PEAK1: variants seen among roughly 807,000 people sequenced by gnomAD.
PEAK1 encodes the protein inactive tyrosine-protein kinase PEAK1.
In PEAK1, 54 loss-of-function variants were observed where a neutral mutation model predicts 124.7. The ratio of observed to expected loss-of-function variants is 0.43; its 90% CI spans 0.35 to 0.54. The LOEUF is 0.54. Ranked by LOEUF, PEAK1 falls within the 20% of genes least tolerant of loss-of-function variation. The pLI is 0.01. For synonymous variants in PEAK1, 719 were observed against 760.0 expected (o/e 0.95, Z 0.89); for missense variants, 2,046 against 2,134.5 (o/e 0.96, Z 0.82).
chr15:77,150,029 C>T (rs937735504), intron 8 of PEAK1, among the ~76,000 whole-genome samples: 7 of 152,118 alleles, frequency 4.6e-5, no homozygotes, highest in African/African-American at 1.7e-4. Context: ...GGATTACAGG[C>T]ATGAGCCACC....
At chr15:77,269,192 G>T (rs1195928010) in intron 5 of PEAK1, among the ~76,000 whole-genome samples, 2 of 152,012 alleles carry the variant, frequency 1.3e-5, no homozygotes, top group African/African-American at 4.8e-5. Context: ...AAAGTAATGG[G>T]CCGAAATGCT....
chr15:77,278,800 A>C (rs369261846), intron 5 of PEAK1: 1 of 319,930 alleles, frequency 3.1e-6, no homozygotes, highest in Non-Finnish European at 6.1e-6. Context: ...TACTATTTTT[A>C]TCAAGTTTTA....
chr15:77,313,652 A>ATGTGTGTGTGTGTGTGTGTGTG (rs775220459), intron 2 of PEAK1, among the ~76,000 whole-genome samples: 1 of 90,602 alleles, frequency 1.1e-5, no homozygotes, highest in Non-Finnish European at 2.2e-5. Flanking sequence ...GTATGTATGT[A>ATGTGTGTGTGTGTGTGTGTGTG]TGTGTGTGTG....
rs2051168794 is a variant in PEAK1 at position 77,114,414 on chromosome 15, G to A, written c.4983C>T (p.Gly1661=). Residue 1661 remains glycine, a synonymous_variant, in exon 10 of 10, where the codon GGC becomes GGT. Coordinates refer to ENST00000682557, the MANE Select transcript of PEAK1 (RefSeq NM_001385026.1). The part of the protein sequence containing the change: ...SERILISDAK[G]ILQCLLWGPR... ...GGCCCCAGAGCAGACACTGGAGGAT[G>A]CCTTTGGCGTCTGAAATGAGGATCC... 1 of 1,614,088 alleles carries A rather than the reference G, an allele frequency of 6.2e-7. No homozygotes were observed.
At chr15:77,233,701 T>C (rs2059999354) in intron 6 of PEAK1, among the ~76,000 whole-genome samples, 2 of 152,230 alleles carry the variant, frequency 1.3e-5, no homozygotes, top group Non-Finnish European at 2.9e-5. Flanking sequence ...GTATTTTTTG[T>C]ATAACCGTCT....
At chr15:77,327,152 G>A (rs984294877) in intron 2 of PEAK1, among the ~76,000 whole-genome samples, 1 of 152,068 alleles carries the variant, frequency 6.6e-6, no homozygotes, top group African/African-American at 2.4e-5. Flanking sequence ...CTGGATTTTA[G>A]AAATAAGAAA....
Position 77,181,884 on chromosome 15 carries a change from C to T in PEAK1, c.43G>A (p.Gly15Ser). The change falls in exon 7 of 10, where the codon GGT becomes AGT. Residue 15 changes from glycine to serine, a missense_variant. Transcript: ENST00000682557. ...GGTTTAAAGCAATTCTTGCATTCACCAGGTTTCCAAACATGTTCAGTAAAG... is the reference window on the plus strand; with the variant it reads ...GGTTTAAAGCAATTCTTGCATTCACTAGGTTTCCAAACATGTTCAGTAAAG... ...NTFTEHVWKPGECKNCFKPKS... is the reference protein window; with the variant it reads ...NTFTEHVWKPSECKNCFKPKS... 2 of 1,599,990 alleles carry T rather than the reference C, an allele frequency of 1.3e-6. No individual in the cohort carries two copies. Among genetic ancestry groups the T allele is most frequent in the South Asian group, 1.1e-5 (1 of 89,386 alleles).
Position 77,119,048 on chromosome 15 carries a change from CT to C in PEAK1, c.4078-3730del, listed in dbSNP as rs1284935550. 4.9e-5 allele frequency among the ~76,000 whole-genome samples: 4 copies of C among 81,654 alleles called. No homozygotes were observed. In the East Asian group the frequency reaches 9.9e-4, roughly 20 times the overall value. 53.6% of individuals were successfully genotyped at this position (81,654 alleles called of 152,430 possible). ...TGTGCAGCAGGAGAACAAAACCAGG[CT>C]GCTGAAGGTTGAATCTTCTTGTAAA... is the stretch of plus-strand genomic sequence containing the variant. On this transcript the variant is annotated intron_variant, in intron 9 of 9. Transcript: ENST00000682557.
chr15:77,163,343 A>G lies in PEAK1; in HGVS notation c.3138-4647T>C, dbSNP rs533106318. Among the ~76,000 whole-genome samples the G allele has an allele frequency of 1.8e-3, 270 of 152,358 alleles. 2 individuals are homozygous for G. Among genetic ancestry groups the G allele is most frequent in the African/African-American group, 6.0e-3 (249 of 41,588 alleles). On this transcript the variant is annotated intron_variant, in intron 7 of 9. Transcript: ENST00000682557. ...GAATGAATATAAGGTGTTCAAAGGAAATAGTTACATTGTTACAGATTTGTC... is the reference window on the plus strand; with the variant it reads ...GAATGAATATAAGGTGTTCAAAGGAGATAGTTACATTGTTACAGATTTGTC...
intron 8 of PEAK1, among the ~76,000 whole-genome samples, chr15:77,152,881 T>C (rs2054779706): frequency 6.6e-6 from 1 of 152,144 alleles, no homozygotes; most frequent in Non-Finnish European, 1.5e-5. Context: ...TGCTGCTGGA[T>C]TCGGTTTGCC....
upstream of PEAK1, chr15:77,420,624 TAAA>T: frequency 6.1e-6 from 2 of 330,498 alleles, no homozygotes; most frequent in Non-Finnish European, 1.1e-5. Context: ...GCCTTCGCAA[TAAA>T]AAAAAAAAAA....
intron 8 of PEAK1, among the ~76,000 whole-genome samples, chr15:77,154,440 A>G (rs1174704920): frequency 6.6e-6 from 1 of 152,016 alleles, no homozygotes; most frequent in African/African-American, 2.4e-5. Flanking sequence ...TCTTTATCCA[A>G]TTTGCCAGTC....
At chr15:77,225,477 A>T (rs1197739890) in intron 6 of PEAK1, among the ~76,000 whole-genome samples, 1 of 151,726 alleles carries the variant, frequency 6.6e-6, no homozygotes, top group Non-Finnish European at 1.5e-5. Flanking sequence ...TCAAAGATCG[A>T]TAAAGATATA....
chr15:77,420,613 G>T, upstream of PEAK1: 1 of 349,836 alleles, frequency 2.9e-6, no homozygotes. Context: ...ACTTTCTGCG[G>T]GCCTTCGCAA....
At chr15:77,411,607 C>T (rs2072417911) in intron 1 of PEAK1, among the ~76,000 whole-genome samples, 1 of 151,986 alleles carries the variant, frequency 6.6e-6, no homozygotes, top group Admixed American at 6.6e-5. Context: ...TTCATTAGTA[C>T]TTCATACCTT....
chr15:77,285,223 T>A (rs555569353), intron 3 of PEAK1, 168 bp from the exon 4 acceptor site: 1 of 152,306 alleles, frequency 6.6e-6, no homozygotes, highest in African/African-American at 2.4e-5. Context: ...GTTTTAAAGA[T>A]TAGTATGTCA....
At chr15:77,410,363 G>C (rs1254771388) in intron 1 of PEAK1, among the ~76,000 whole-genome samples, 1 of 152,152 alleles carries the variant, frequency 6.6e-6, no homozygotes, top group East Asian at 1.9e-4. Flanking sequence ...GACCTCAGGT[G>C]ATCTGCCTGC....
chr15:77,194,499 T>C (rs1002307804), intron 6 of PEAK1, among the ~76,000 whole-genome samples: 4 of 152,196 alleles, frequency 2.6e-5, no homozygotes, highest in African/African-American at 9.7e-5. Flanking sequence ...CAAAATCCTA[T>C]AGATCTTTTG....
At chr15:77,194,007 A>C (rs115045636) in intron 6 of PEAK1, among the ~76,000 whole-genome samples, 1 of 152,142 alleles carries the variant, frequency 6.6e-6, no homozygotes, top group Non-Finnish European at 1.5e-5. Context: ...GAAGCTCCAG[A>C]CTTCGGCTGC....
Sources: allele counts gnomAD v4.1 joint callset (sites outside exome capture counted in the v4.1 genomes callset), GRCh38; gene constraint gnomAD v4.1.1; transcripts MANE v1.5; gene names NCBI Gene and HGNC (gene_info 2026-07-23, HGNC 2026-07-21).